The following MTOR variants were observed in gnomAD, a reference collection of about 807,000 sequenced individuals.
The protein encoded by MTOR is mechanistic target of rapamycin kinase.
MTOR carries 70 observed loss-of-function variants against 319.8 expected under a neutral mutation model. That is an observed-to-expected ratio of 0.22 (90% CI 0.18 to 0.27). The LOEUF (loss-of-function observed/expected upper bound fraction) is 0.27, where lower values mean the gene tolerates loss of function less well. MTOR is among the 10% of genes least tolerant of loss of function. The pLI, the probability that MTOR is intolerant of heterozygous loss-of-function variation, is 1.00. For synonymous variants in MTOR, 1,183 were observed against 1,211.4 expected (o/e 0.98, Z 0.49); for missense variants, 1,890 against 3,274.4 (o/e 0.58, Z 10.32).
chr1:11,158,846 T>C (rs1222645221), intron 29 of MTOR, among the ~76,000 whole-genome samples: 1 of 151,978 alleles, frequency 6.6e-6, no homozygotes, highest in Non-Finnish European at 1.5e-5. Context: ...TGCAATAGAT[T>C]GCAGAAACTA....
intron 28 of MTOR, chr1:11,194,705 A>G (rs1444566796): frequency 6.2e-7 from 1 of 1,608,472 alleles, no homozygotes; most frequent in Non-Finnish European, 8.5e-7. Flanking sequence ...GTACAAGCTC[A>G]TAATCCCACT....
chr1:11,190,016 A>G, intron 28 of MTOR: 1 of 1,537,158 alleles, frequency 6.5e-7, no homozygotes, highest in Non-Finnish European at 8.7e-7. Flanking sequence ...CACTGCTTCT[A>G]CATATCCTGG....
At chr1:11,130,273 A>C (rs1643068644) in intron 39 of MTOR, among the ~76,000 whole-genome samples, 1 of 152,256 alleles carries the variant, frequency 6.6e-6, no homozygotes, top group Admixed American at 6.5e-5. Flanking sequence ...CAGCACGTAG[A>C]GAATGAGCTC....
At chr1:11,139,130 T>G (rs568130912) in intron 36 of MTOR, 174 bp downstream of exon 36, 1 of 786,694 alleles carries the variant, frequency 1.3e-6, no homozygotes, top group South Asian at 1.9e-5. Context: ...TCCTCAACTA[T>G]GATTCACTCT....
chr1:11,191,888 T>C (rs1407416426), intron 28 of MTOR, among the ~76,000 whole-genome samples: 1 of 152,232 alleles, frequency 6.6e-6, no homozygotes, highest in African/African-American at 2.4e-5. Flanking sequence ...TGATTTGTTA[T>C]AGTGGCGGCT....
intron 28 of MTOR, chr1:11,193,591 C>T (rs147993203): frequency 6.3e-7 from 1 of 1,594,596 alleles, no homozygotes; most frequent in African/African-American, 1.3e-5. Flanking sequence ...TGTTCTGTGA[C>T]ATGGAGACTT....
intron 26 of MTOR, among the ~76,000 whole-genome samples, chr1:11,201,964 C>G (rs184681485): frequency 6.1e-4 from 93 of 152,172 alleles, no homozygotes; most frequent in African/African-American, 2.0e-3. Flanking sequence ...CATGCCACCA[C>G]GCTTGGCTAA....
At position 11,132,732 on chromosome 1, in the gene MTOR, C is replaced by G. The variant is rs113968145; in HGVS notation, c.5364+348G>C. 340 of 192,900 alleles carry G rather than the reference C, an allele frequency of 1.8e-3. 3 individuals are homozygous for G. Among genetic ancestry groups the G allele is most frequent in the African/African-American group, 7.0e-3 (301 of 43,060 alleles). The allele number at this position is 192,900 out of a possible 1,614,324, so 11.9% of individuals were successfully genotyped here. On this transcript the variant is annotated intron_variant, in intron 38 of 57. Transcript: ENST00000361445. Reference sequence around the variant, plus strand: ...GGATGCAAATCAGAAAAACGCTGAACAAGAACAGATGACCTAAGGGAAGAT... The same window carrying G: ...GGATGCAAATCAGAAAAACGCTGAAGAAGAACAGATGACCTAAGGGAAGAT...
At position 11,107,019 on chromosome 1, in the gene MTOR, T is replaced by G. The variant is rs1641612488; in HGVS notation, c.*466A>C. The G allele has an allele frequency of 7.3e-7, 1 of 1,370,864 alleles. No individual in the cohort carries two copies. The highest frequency in any genetic ancestry group is 1.4e-5 in the African/African-American group (1 of 69,740). 84.9% of individuals were successfully genotyped at this position (1,370,864 alleles called of 1,614,324 possible). ...CTTGGGATAGGTGGCAGGGGTGAGG[T>G]CAGCATCTTCTGTGTCTTTACAGTC... On this transcript the variant is annotated 3_prime_UTR_variant, in exon 58 of 58. Transcript: ENST00000361445.
chr1:11,197,003 G>A (rs1294484612), intron 28 of MTOR, among the ~76,000 whole-genome samples: 1 of 152,108 alleles, frequency 6.6e-6, no homozygotes. Context: ...TTGGTGAAGG[G>A]AAAATAAGAG....
At chr1:11,174,265 G>A (rs1350043603) in intron 28 of MTOR, among the ~76,000 whole-genome samples, 1 of 152,188 alleles carries the variant, frequency 6.6e-6, no homozygotes, top group Non-Finnish European at 1.5e-5. Context: ...CCAGGAATTA[G>A]CTGTAAAATG....
At chr1:11,254,039 T>G in intron 5 of MTOR, 66 bp from the exon 6 acceptor site, 1 of 1,571,288 alleles carries the variant, frequency 6.4e-7, no homozygotes, top group Non-Finnish European at 8.7e-7. Context: ...TACAGGCCCA[T>G]CCCATCTACA....
chr1:11,203,236 CA>C (rs1204698534), intron 26 of MTOR, among the ~76,000 whole-genome samples: 2 of 151,060 alleles, frequency 1.3e-5, no homozygotes, highest in African/African-American at 4.9e-5. Flanking sequence ...AAAATGAAAA[CA>C]AAAAAACCAA....
chr1:11,239,463 CT>C (rs1265602077), intron 11 of MTOR, among the ~76,000 whole-genome samples: 1 of 151,362 alleles, frequency 6.6e-6, no homozygotes, highest in Non-Finnish European at 1.5e-5. Context: ...GCTTTCTGTA[CT>C]TGCTTGTTTC....
intron 28 of MTOR, among the ~76,000 whole-genome samples, chr1:11,194,260 G>T (rs1178228788): frequency 6.6e-6 from 1 of 152,236 alleles, no homozygotes; most frequent in Non-Finnish European, 1.5e-5. Context: ...GCCATATGGT[G>T]AATCAGGAAA....
intron 28 of MTOR, among the ~76,000 whole-genome samples, chr1:11,180,773 T>C (rs1342974825): frequency 6.6e-6 from 1 of 151,092 alleles, no homozygotes; most frequent in Non-Finnish European, 1.5e-5. Context: ...TGCCCAGAAA[T>C]AAGGCAGGTT....
intron 28 of MTOR, chr1:11,194,842 T>C: frequency 1.2e-6 from 2 of 1,613,742 alleles, no homozygotes; most frequent in Admixed American, 3.3e-5. Context: ...CTGGGTCTGT[T>C]TCTCATGCCA....
Position 11,129,955 on chromosome 1 carries a change from G to C in MTOR, c.5614-117C>G, listed in dbSNP as rs572566947. On this transcript the variant is annotated intron_variant, in intron 39 of 57. Transcript: ENST00000361445. The surrounding 1 kb of genome is among the most constrained non-coding windows in gnomAD (Gnocchi z 4.7). ...AAGGGTGGTTATAACAATTAAATCG[G>C]TTAATGCATGAAAAATCTTTAATCA... is the stretch of plus-strand genomic sequence containing the variant. The C allele has an allele frequency of 6.3e-6, 5 of 790,202 alleles. No homozygotes were observed. The East Asian group carries it at 1.3e-4, about 21-fold the overall frequency. The allele number at this position is 790,202 out of a possible 1,614,324, so 48.9% of individuals were successfully genotyped here. A position where few individuals can be genotyped will look rare whatever the true frequency, so the allele number is the denominator to read the frequency against.
chr1:11,240,942 A>G (rs1481362901), intron 10 of MTOR, among the ~76,000 whole-genome samples: 2 of 152,098 alleles, frequency 1.3e-5, no homozygotes, highest in Admixed American at 1.3e-4. Context: ...CCTATATGCC[A>G]GGCATGGTGC....
Sources: gnomAD v4.1 joint callset for allele counts (sites outside exome capture counted in the v4.1 genomes callset) on GRCh38, gnomAD v4.1.1 for gene constraint, Gnocchi (gnomAD v3.1) non-coding constraint, MANE v1.5 for transcripts, NCBI Gene and HGNC (gene_info 2026-07-23, HGNC 2026-07-21) for gene names.